CMYA5: variants seen among roughly 807,000 people sequenced by gnomAD.
CMYA5 encodes the protein cardiomyopathy associated 5.
In CMYA5, 246 loss-of-function variants were observed where a neutral mutation model predicts 318.9. That is an observed-to-expected ratio of 0.77 (90% CI 0.70 to 0.86). The LOEUF (loss-of-function observed/expected upper bound fraction) is 0.86. Ranked by LOEUF, CMYA5 falls within the 40% of genes least tolerant of loss-of-function variation. The probability of loss-of-function intolerance (pLI) is 0.00; values close to 1 mark genes in which losing one functional copy is unlikely to be tolerated. For missense variants in CMYA5, 4,589 were observed against 4,678.2 expected, an observed-to-expected ratio of 0.98 and a Z score of 0.56; for synonymous variants, 1,641 against 1,729.5, an observed-to-expected ratio of 0.95 and a Z score of 1.27.
intron 1 of CMYA5, among the ~76,000 whole-genome samples, chr5:79,694,476 G>T (rs1827029983): frequency 1.3e-5 from 2 of 152,068 alleles, no homozygotes; most frequent in Admixed American, 1.3e-4. Flanking sequence ...AAACTTTTCA[G>T]CATTTTTATT....
At chr5:79,772,984 T>C (rs920439523) in intron 9 of CMYA5, among the ~76,000 whole-genome samples, 1 of 152,240 alleles carries the variant, frequency 6.6e-6, no homozygotes, top group Non-Finnish European at 1.5e-5. Context: ...TGATCATCTC[T>C]AGTCAATAAA....
chr5:79,693,956 T>C (rs975315000), intron 1 of CMYA5, among the ~76,000 whole-genome samples: 4 of 152,056 alleles, frequency 2.6e-5, no homozygotes, highest in Admixed American at 2.6e-4. Flanking sequence ...TCTGATGAGG[T>C]GACATTTGAG....
At chr5:79,778,811 C>CTGTGTGTGTGTGTGTGTGTGTGTGTATG in intron 9 of CMYA5, among the ~76,000 whole-genome samples, 1 of 85,024 alleles carries the variant, frequency 1.2e-5, no homozygotes, top group Non-Finnish European at 2.1e-5. Flanking sequence ...CTCTCTCTTT[C>CTGTGTGTGTGTGTGTGTGTGTGTGTATG]TGTGTGTGTG....
intron 1 of CMYA5, among the ~76,000 whole-genome samples, chr5:79,700,523 C>A (rs553432382): frequency 2.4e-4 from 36 of 152,154 alleles, no homozygotes; most frequent in African/African-American, 8.4e-4. Flanking sequence ...AAAAGACAAC[C>A]CAATTTAAAA....
intron 2 of CMYA5, among the ~76,000 whole-genome samples, chr5:79,740,138 G>A (rs961900712): frequency 3.3e-5 from 5 of 152,204 alleles, no homozygotes; most frequent in East Asian, 1.9e-4. Flanking sequence ...GATGTATGCC[G>A]GTTATATGAA....
chr5:79,790,851 C>T lies in CMYA5; in HGVS notation c.11690-119C>T. 4 of 668,254 alleles carry T rather than the reference C, an allele frequency of 6.0e-6. No individual in the cohort carries two copies. The East Asian group carries it at 1.1e-4, about 18-fold the overall frequency. The allele number at this position is 668,254 out of a possible 1,614,324, so 41.4% of individuals were successfully genotyped here. ...GTTTTCAGCTGTGGATCTGAAGACACTTCGTGGGGGATTTTGACGTCAGGG... is the reference window on the plus strand; with the variant it reads ...GTTTTCAGCTGTGGATCTGAAGACATTTCGTGGGGGATTTTGACGTCAGGG... On this transcript the variant is annotated intron_variant, in intron 10 of 12. Transcript: ENST00000446378.
rs758781705 is a variant in CMYA5 at position 79,728,318 on chromosome 5, CT to C, written c.150-583del. Among the ~76,000 whole-genome samples the C allele has an allele frequency of 5.3e-3, 686 of 130,296 alleles. 4 individuals carry two copies. The highest frequency in any genetic ancestry group is 0.016 in the African/African-American group (451 of 28,524). 85.5% of individuals were successfully genotyped at this position (130,296 alleles called of 152,430 possible). A position where few individuals can be genotyped will look rare whatever the true frequency, so the allele number is the denominator to read the frequency against. ...TTAGAGAGCTAAGGATTTTGAACAT[CT>C]TTTTTTTTTTTTTCTTCTGTGGATA... On this transcript the variant is annotated intron_variant, in intron 1 of 12. Transcript: ENST00000446378.
rs1169578583 is a variant in CMYA5 at position 79,736,005 on chromosome 5, G to C, written c.7240G>C (p.Val2414Leu). ...GAAACCAGAGTCAATTATTTTGCCAGTAGAAGAATCAAAAGGCAGTTTAAT... is the reference window on the plus strand; with the variant it reads ...GAAACCAGAGTCAATTATTTTGCCACTAGAAGAATCAAAAGGCAGTTTAAT... ...SEKPESIILP[V>L]EESKGSLIDF... The change falls in exon 2 of 13, where the codon GTA becomes CTA. Residue 2414 changes from valine (V) to leucine (L), a missense_variant. Val to Leu is a conservative substitution (Grantham distance 32). Coordinates refer to ENST00000446378, the MANE Select transcript of CMYA5 (RefSeq NM_153610.5). The C allele has an allele frequency of 1.2e-6, 2 of 1,613,168 alleles. No homozygotes were observed. The highest frequency in any genetic ancestry group is 1.7e-6 in the Non-Finnish European group (2 of 1,179,648).
chr5:79,789,071 G>A lies in CMYA5; in HGVS notation c.11656G>A (p.Glu3886Lys). 2 of 1,613,978 alleles carry A rather than the reference G, an allele frequency of 1.2e-6. No individual in the cohort carries two copies. Among genetic ancestry groups the A allele is most frequent in the Non-Finnish European group, 1.7e-6 (2 of 1,179,872 alleles). The change falls in exon 10 of 13, where the codon GAA (glutamate) becomes AAA (lysine). Residue 3886 changes from glutamate to lysine, a missense_variant. Glu to Lys is a moderately conservative substitution (Grantham distance 56). Transcript: ENST00000446378. ...VRAINAFGTSEQSEAALISTR... is the reference protein window; with the variant it reads ...VRAINAFGTSKQSEAALISTR... ...GGCCATCAATGCATTTGGGACAAGT[G>A]AACAGAGTGAAGCTGCTCTCATCTC...
At chr5:79,770,361 C>T (rs932970588) in intron 9 of CMYA5, among the ~76,000 whole-genome samples, 1 of 151,984 alleles carries the variant, frequency 6.6e-6, no homozygotes, top group African/African-American at 2.4e-5. Context: ...GAAAAAAAAA[C>T]TCCAGCAGCT....
At chr5:79,798,371 C>T (rs182714858) in intron 12 of CMYA5, among the ~76,000 whole-genome samples, 185 of 152,260 alleles carry the variant, frequency 1.2e-3, no homozygotes, top group Non-Finnish European at 2.2e-3. Flanking sequence ...TTCCATCTCT[C>T]ATTCCACTCC....
At chr5:79,741,978 G>A (rs1267396713) in intron 2 of CMYA5, among the ~76,000 whole-genome samples, 2 of 151,968 alleles carry the variant, frequency 1.3e-5, no homozygotes, top group Non-Finnish European at 2.9e-5. Flanking sequence ...ATTAGTAAGA[G>A]TTGTTTGGTT....
At chr5:79,789,640 G>C (rs533242950) in intron 10 of CMYA5, among the ~76,000 whole-genome samples, 3 of 152,102 alleles carry the variant, frequency 2.0e-5, no homozygotes, top group African/African-American at 4.8e-5. Context: ...GGCCAGGCTG[G>C]TCTCAAAGTC....
chr5:79,725,169 T>C (rs564548710), intron 1 of CMYA5, among the ~76,000 whole-genome samples: 7 of 152,330 alleles, frequency 4.6e-5, no homozygotes, highest in South Asian at 4.1e-4. Flanking sequence ...TGTACACTTA[T>C]GTTCATTGCA....
In CMYA5 at chr5:79,761,835, C is replaced by T. The variant is rs1177447693; in HGVS notation, c.11285C>T (p.Thr3762Ile). The T allele has an allele frequency of 1.2e-6, 2 of 1,613,408 alleles. No homozygotes were observed. The highest frequency in any genetic ancestry group is 1.7e-6 in the Non-Finnish European group (2 of 1,179,632). The change falls in exon 8 of 13, where the codon ACA becomes ATA. Residue 3762 changes from threonine to isoleucine, a missense_variant. Thr to Ile is a moderately conservative substitution (Grantham distance 89). Transcript: ENST00000446378. The stretch of plus-strand genomic sequence containing the variant: ...GAGTTGGTAGAAGAATACAGACTGA[C>T]AGTGAAAGAAAGCTACTGCATTTTT... ...VNELVEEYRLTVKESYCIFED... is the reference protein window; with the variant it reads ...VNELVEEYRLIVKESYCIFED...
At chr5:79,726,057 T>C (rs1303488820) in intron 1 of CMYA5, among the ~76,000 whole-genome samples, 2 of 152,244 alleles carry the variant, frequency 1.3e-5, no homozygotes, top group Non-Finnish European at 2.9e-5. Flanking sequence ...ATTAAGTTTA[T>C]TAAGTAAAGA....
Position 79,795,498 on chromosome 5 carries a change from G to A in CMYA5, c.11963+1888G>A, listed in dbSNP as rs141351226. Among the ~76,000 whole-genome samples, 16 of 152,128 alleles carry A rather than the reference G, an allele frequency of 1.1e-4. No individual in the cohort carries two copies. In the East Asian group the frequency reaches 2.7e-3, roughly 26 times the overall value. Reference sequence around the variant, plus strand: ...CTTGCCATGCTAGCTCAAGGCTTCCGCACCTCCTCTGCAGTTTCAGCAGCA... The same window carrying A: ...CTTGCCATGCTAGCTCAAGGCTTCCACACCTCCTCTGCAGTTTCAGCAGCA... On this transcript the variant is annotated intron_variant, in intron 12 of 12. Transcript: ENST00000446378.
chr5:79,771,365 C>T (rs923236311), intron 9 of CMYA5, among the ~76,000 whole-genome samples: 2 of 152,144 alleles, frequency 1.3e-5, no homozygotes, highest in Non-Finnish European at 2.9e-5. Context: ...GTGCCAGAGT[C>T]CCAGAGTAAT....
chr5:79,752,744 A>G lies in CMYA5; in HGVS notation c.11060A>G (p.His3687Arg). 4 of 1,613,776 alleles carry G rather than the reference A, an allele frequency of 2.5e-6. No individual in the cohort carries two copies. Among genetic ancestry groups the G allele is most frequent in the Non-Finnish European group, 3.4e-6 (4 of 1,179,720 alleles). ...KMPAAFSLFEHYDDSSARSDQ... is the reference protein window; with the variant it reads ...KMPAAFSLFERYDDSSARSDQ... ...CCTGCTGCGTTTTCCCTTTTCGAACATTATGATGACAGCTCGGCAAGAAGT... is the reference window on the plus strand; with the variant it reads ...CCTGCTGCGTTTTCCCTTTTCGAACGTTATGATGACAGCTCGGCAAGAAGT... Residue 3687 changes from histidine to arginine, a missense_variant, in exon 6 of 13, where the codon CAT becomes CGT. His to Arg is a conservative substitution (Grantham distance 29). This residue lies in a region of CMYA5 where 2,431 missense variants were observed against 2,495.1 expected (regional missense o/e 0.97). Coordinates refer to ENST00000446378, the MANE Select transcript of CMYA5 (RefSeq NM_153610.5).
Sources: allele counts gnomAD v4.1 joint callset (sites outside exome capture counted in the v4.1 genomes callset), GRCh38; gene constraint gnomAD v4.1.1; regional missense constraint gnomAD v4.1.1; transcripts MANE v1.5; gene names NCBI Gene and HGNC (gene_info 2026-07-23, HGNC 2026-07-21).